The following ELP4 variants were observed in gnomAD, a reference collection of about 807,000 sequenced individuals.
The protein encoded by ELP4 is elongator acetyltransferase complex subunit 4.
A neutral mutation model predicts 48.9 loss-of-function variants in ELP4; 51 were observed. That is an observed-to-expected ratio of 1.04 (90% CI 0.83 to 1.32). The LOEUF (loss-of-function observed/expected upper bound fraction) is 1.32. Ranked by LOEUF, ELP4 falls within the 40% of genes most tolerant of loss-of-function variation. ELP4 has a pLI of 0.00. For missense variants in ELP4, 519 were observed against 514.6 expected, an observed-to-expected ratio of 1.01 and a Z score of -0.08; for synonymous variants, 210 against 189.2, an observed-to-expected ratio of 1.11 and a Z score of -0.90.
At chr11:31,669,002 A>C (rs1329802634) in intron 9 of ELP4, among the ~76,000 whole-genome samples, 4 of 151,838 alleles carry the variant, frequency 2.6e-5, no homozygotes, top group Admixed American at 1.3e-4. Flanking sequence ...TCTTGTCTCA[A>C]ACTTCGACTT....
At chr11:31,711,931 A>AG (rs924054169) in intron 9 of ELP4, among the ~76,000 whole-genome samples, 5 of 152,090 alleles carry the variant, frequency 3.3e-5, no homozygotes, top group African/African-American at 1.2e-4. Flanking sequence ...CTAGAGACAA[A>AG]GGTGGCATTT....
At chr11:31,517,184 G>A (rs1344968522) in intron 1 of ELP4, among the ~76,000 whole-genome samples, 1 of 151,824 alleles carries the variant, frequency 6.6e-6, no homozygotes, top group Admixed American at 6.6e-5. Context: ...CACTATCAAA[G>A]GAACTTTTTT....
In ELP4 at chr11:31,790,108, A is replaced by AAAT; in HGVS notation, c.*6586_*6587insTAA. 1.3e-6 allele frequency: 1 copy of AAAT among 794,468 alleles called. No individual in the cohort carries two copies. The highest frequency in any genetic ancestry group is 1.6e-5 in the South Asian group (1 of 60,824). The allele number at this position is 794,468 out of a possible 1,614,324, so 49.2% of individuals were successfully genotyped here. On this transcript the variant is annotated 3_prime_UTR_variant, in exon 10 of 10. Transcript: ENST00000640961. ...AATTTATAGGTTTACAAAAAAAAAA[A>AAAT]AAAAAAAAAAAACTAATACTTTCTA... is the stretch of plus-strand genomic sequence containing the variant.
At chr11:31,603,951 T>C in intron 5 of ELP4, 44 bp downstream of exon 5, 1 of 1,548,124 alleles carries the variant, frequency 6.5e-7, no homozygotes, top group Middle Eastern at 1.7e-4. Context: ...ATTTCAAATA[T>C]TAGTAGAATG....
chr11:31,544,329 C>G (rs552581037), intron 3 of ELP4, among the ~76,000 whole-genome samples: 1 of 152,214 alleles, frequency 6.6e-6, no homozygotes, highest in Non-Finnish European at 1.5e-5. Context: ...GTTTAAAAAA[C>G]GGCGCATCAG....
intron 2 of ELP4, among the ~76,000 whole-genome samples, chr11:31,525,828 C>T (rs183766817): frequency 2.6e-5 from 4 of 152,248 alleles, no homozygotes; most frequent in African/African-American, 7.2e-5. Flanking sequence ...TTTACCTCCT[C>T]GTTATCTTTG....
At chr11:31,757,761 A>G (rs1947861602) in intron 9 of ELP4, among the ~76,000 whole-genome samples, 1 of 152,200 alleles carries the variant, frequency 6.6e-6, no homozygotes, top group South Asian at 2.1e-4. Context: ...AACACGCCAG[A>G]TGTAACAGTT....
chr11:31,738,071 T>C (rs1433979553), intron 9 of ELP4, among the ~76,000 whole-genome samples: 1 of 151,896 alleles, frequency 6.6e-6, no homozygotes, highest in African/African-American at 2.4e-5. Context: ...GTGGTATATA[T>C]GTATAATGAA....
intron 3 of ELP4, among the ~76,000 whole-genome samples, chr11:31,592,046 C>G (rs1957588212): frequency 6.6e-6 from 1 of 152,086 alleles, no homozygotes; most frequent in Admixed American, 6.6e-5. Flanking sequence ...TCCAGAACGA[C>G]TAATCCATAA....
chr11:31,714,810 T>A (rs779031026), intron 9 of ELP4: 2 of 398,354 alleles, frequency 5.0e-6, no homozygotes, highest in Admixed American at 8.8e-5. Context: ...AACTCTCTGG[T>A]TTTTTTTCTG....
intron 9 of ELP4, among the ~76,000 whole-genome samples, chr11:31,727,478 C>G (rs948080685): frequency 1.3e-5 from 2 of 152,042 alleles, no homozygotes; most frequent in African/African-American, 4.8e-5. Flanking sequence ...AGGACATTTC[C>G]TTTGTTTGTA....
At chr11:31,569,084 C>CA (rs557931299) in intron 3 of ELP4, among the ~76,000 whole-genome samples, 108 of 126,936 alleles carry the variant, frequency 8.5e-4, no homozygotes, top group Middle Eastern at 4.2e-3. Flanking sequence ...GACCCCATCT[C>CA]AAAAAAAAAA....
chr11:31,591,610 T>C (rs1208669187), intron 3 of ELP4, among the ~76,000 whole-genome samples: 2 of 152,046 alleles, frequency 1.3e-5, no homozygotes, highest in Non-Finnish European at 2.9e-5. Flanking sequence ...TAACAACAAT[T>C]GGTTGCTAAG....
intron 3 of ELP4, among the ~76,000 whole-genome samples, chr11:31,540,096 A>T (rs1956568928): frequency 6.6e-6 from 1 of 152,232 alleles, no homozygotes; most frequent in South Asian, 2.1e-4. Context: ...ATAGCAAAAA[A>T]TTCTAGTTTA....
intron 9 of ELP4, chr11:31,687,820 A>G (rs1024977649): frequency 1.3e-5 from 2 of 152,200 alleles, no homozygotes; most frequent in African/African-American, 4.8e-5. Flanking sequence ...TTTTTCTATA[A>G]TTAATCATTC....
chr11:31,675,132 G>C (rs1403046625), intron 9 of ELP4, among the ~76,000 whole-genome samples: 1 of 152,172 alleles, frequency 6.6e-6, no homozygotes, highest in Admixed American at 6.5e-5. Context: ...TTCTTAGCAT[G>C]TAGGAAAAAT....
At chr11:31,574,226 C>T (rs563791817) in intron 3 of ELP4, among the ~76,000 whole-genome samples, 5 of 152,270 alleles carry the variant, frequency 3.3e-5, no homozygotes, top group Middle Eastern at 3.4e-3. Flanking sequence ...AAGGCAGCAG[C>T]GAGGCTGGGG....
At chr11:31,623,376 T>TAA (rs1944664831) in intron 5 of ELP4, among the ~76,000 whole-genome samples, 1 of 113,706 alleles carries the variant, frequency 8.8e-6, no homozygotes, top group Non-Finnish European at 1.8e-5. Flanking sequence ...TATATATATA[T>TAA]ATATATATAT....
At chr11:31,614,197 A>G (rs1426032841) in intron 5 of ELP4, among the ~76,000 whole-genome samples, 2 of 152,206 alleles carry the variant, frequency 1.3e-5, no homozygotes, top group Non-Finnish European at 2.9e-5. Context: ...AATGTCTTAA[A>G]TTCTTGGAGT....
Sources: gnomAD v4.1 joint callset for allele counts (sites outside exome capture counted in the v4.1 genomes callset) on GRCh38, gnomAD v4.1.1 for gene constraint, MANE v1.5 for transcripts, NCBI Gene and HGNC (gene_info 2026-07-23, HGNC 2026-07-21) for gene names.